CDKAL1: variants seen among roughly 807,000 people sequenced by gnomAD.
CDKAL1 encodes the protein threonylcarbamoyladenosine tRNA methylthiotransferase.
A neutral mutation model predicts 68.2 loss-of-function variants in CDKAL1; 32 were observed. That is an observed-to-expected ratio of 0.47 (90% CI 0.35 to 0.63). The LOEUF (loss-of-function observed/expected upper bound fraction) is 0.63, where lower values mean the gene tolerates loss of function less well. Ranked by LOEUF, CDKAL1 falls within the 30% of genes least tolerant of loss-of-function variation. The pLI is 0.00. For missense variants in CDKAL1, 606 were observed against 696.7 expected (o/e 0.87, Z 1.47); for synonymous variants, 234 against 244.3 (o/e 0.96, Z 0.39).
chr6:20,585,808 A>G (rs12213132), intron 4 of CDKAL1, among the ~76,000 whole-genome samples: 33,175 of 150,344 alleles, frequency 0.22, 4,559 homozygotes, highest in Middle Eastern at 0.35. Context: ...ATACTCACTT[A>G]TTTGGGTTTT....
intron 6 of CDKAL1, among the ~76,000 whole-genome samples, chr6:20,742,119 G>A (rs1343562402): frequency 6.6e-6 from 1 of 152,054 alleles, no homozygotes; most frequent in Admixed American, 6.6e-5. Context: ...CTTTTGAAGT[G>A]TCTGTTCATG....
chr6:20,644,015 AAG>A (rs1768314733), intron 4 of CDKAL1, among the ~76,000 whole-genome samples: 1 of 152,050 alleles, frequency 6.6e-6, no homozygotes, highest in Admixed American at 6.6e-5. Flanking sequence ...ACAAAATACA[AAG>A]AGACAGGATT....
chr6:20,784,674 C>T (rs892472486), intron 8 of CDKAL1, among the ~76,000 whole-genome samples: 3 of 151,660 alleles, frequency 2.0e-5, no homozygotes, highest in South Asian at 2.1e-4. Flanking sequence ...CCACGCACCT[C>T]GGTCTCCCAA....
intron 4 of CDKAL1, among the ~76,000 whole-genome samples, chr6:20,628,092 T>G (rs1457370284): frequency 6.6e-6 from 1 of 152,164 alleles, no homozygotes; most frequent in Admixed American, 6.5e-5. Context: ...TATTTCCTTT[T>G]CTTGCTTCAT....
intron 10 of CDKAL1, among the ~76,000 whole-genome samples, chr6:20,969,400 CTCA>C (rs1765481604): frequency 6.6e-6 from 1 of 152,086 alleles, no homozygotes; most frequent in South Asian, 2.1e-4. Context: ...GGTCATCATC[CTCA>C]TCATCTTCAT....
intron 4 of CDKAL1, among the ~76,000 whole-genome samples, chr6:20,639,915 C>T (rs375120573): frequency 1.5e-4 from 23 of 152,338 alleles, no homozygotes; most frequent in Admixed American, 1.0e-3. Context: ...GTGATCCGCC[C>T]GCCTTGGCCT....
At chr6:20,632,508 G>A (rs1054666668) in intron 4 of CDKAL1, among the ~76,000 whole-genome samples, 4 of 152,190 alleles carry the variant, frequency 2.6e-5, no homozygotes, top group African/African-American at 4.8e-5. Flanking sequence ...GTTAGAACAA[G>A]AAGATCCCTT....
chr6:21,125,471 G>A (rs1193765088), intron 13 of CDKAL1, among the ~76,000 whole-genome samples: 3 of 152,038 alleles, frequency 2.0e-5, no homozygotes, highest in African/African-American at 2.4e-5. Context: ...TCGGGAGTTC[G>A]AGACCAGCCT....
At chr6:20,891,535 TA>T (rs1463239070) in intron 9 of CDKAL1, among the ~76,000 whole-genome samples, 18 of 79,118 alleles carry the variant, frequency 2.3e-4, no homozygotes, top group Non-Finnish European at 3.4e-4. Flanking sequence ...CTTTTTTCTG[TA>T]TTTTTTTTTT....
At position 20,752,380 on chromosome 6, in the gene CDKAL1, T is replaced by C. The variant is rs547045209; in HGVS notation, c.469-6215T>C. ...AAAAGCAAATGTAATCAAGTACTATTTTAAATTAGAGGATATATTTTCAGC... is the reference window on the plus strand; with the variant it reads ...AAAAGCAAATGTAATCAAGTACTATCTTAAATTAGAGGATATATTTTCAGC... On this transcript the variant is annotated intron_variant, in intron 6 of 15. Transcript: ENST00000274695. Among the ~76,000 whole-genome samples the C allele has an allele frequency of 4.7e-4, 72 of 152,290 alleles. 1 individual carries two copies. Among genetic ancestry groups the C allele is most frequent in the African/African-American group, 1.7e-3 (70 of 41,562 alleles).
At chr6:20,538,551 C>T (rs1302180037) in intron 2 of CDKAL1, among the ~76,000 whole-genome samples, 1 of 152,140 alleles carries the variant, frequency 6.6e-6, no homozygotes, top group Non-Finnish European at 1.5e-5. Context: ...CCTTTCATTC[C>T]TCTTTTTCCT....
At chr6:21,001,810 A>G (rs1051384007) in intron 11 of CDKAL1, among the ~76,000 whole-genome samples, 1 of 152,232 alleles carries the variant, frequency 6.6e-6, no homozygotes, top group Non-Finnish European at 1.5e-5. Context: ...CAAAATTTCA[A>G]GTCAGTTGCA....
intron 9 of CDKAL1, among the ~76,000 whole-genome samples, chr6:20,888,244 C>A (rs973167661): frequency 2.0e-5 from 3 of 150,290 alleles, no homozygotes; most frequent in Non-Finnish European, 1.5e-5. Flanking sequence ...TCTATCCTTG[C>A]GATAGTTTGC....
At chr6:20,995,137 C>G (rs1767034631) in intron 10 of CDKAL1, among the ~76,000 whole-genome samples, 1 of 152,162 alleles carries the variant, frequency 6.6e-6, no homozygotes, top group South Asian at 2.1e-4. Flanking sequence ...TCTTCAGGCT[C>G]CACTTGTAAT....
At chr6:20,901,268 A>G (rs534715949) in intron 9 of CDKAL1, among the ~76,000 whole-genome samples, 1 of 152,258 alleles carries the variant, frequency 6.6e-6, no homozygotes, top group African/African-American at 2.4e-5. Context: ...TTTTTATTTA[A>G]TATTTTTATT....
chr6:20,605,845 C>T (rs1244436387), intron 4 of CDKAL1, among the ~76,000 whole-genome samples: 1 of 152,172 alleles, frequency 6.6e-6, no homozygotes, highest in African/African-American at 2.4e-5. Context: ...ATTCTTTCCC[C>T]AGCTTTGGTT....
At chr6:20,813,286 T>C (rs753360397) in intron 8 of CDKAL1, among the ~76,000 whole-genome samples, 2 of 152,168 alleles carry the variant, frequency 1.3e-5, no homozygotes, top group Non-Finnish European at 2.9e-5. Context: ...CTCAAATCTT[T>C]TGTCCTTTTT....
intron 13 of CDKAL1, among the ~76,000 whole-genome samples, chr6:21,183,331 C>T (rs1582373943): frequency 1.3e-5 from 2 of 152,190 alleles, no homozygotes. Flanking sequence ...GACAGGGTTC[C>T]TCCAGAGGGC....
chr6:20,644,911 C>G (rs931988713), intron 4 of CDKAL1, among the ~76,000 whole-genome samples: 4 of 152,128 alleles, frequency 2.6e-5, no homozygotes, highest in African/African-American at 9.7e-5. Context: ...CGAACATCAT[C>G]AAGTGTACCC....
Sources: allele counts gnomAD v4.1 joint callset (sites outside exome capture counted in the v4.1 genomes callset), GRCh38; gene constraint gnomAD v4.1.1; transcripts MANE v1.5; gene names NCBI Gene and HGNC (gene_info 2026-07-23, HGNC 2026-07-21).